Variants in CRADD observed in about 807,000 individuals in gnomAD.
CRADD encodes the protein death domain-containing protein CRADD.
Under a neutral mutation model 15.5 loss-of-function variants are expected in CRADD, and 9 were observed. The observed-to-expected ratio is 0.58, with a 90% CI of 0.35 to 1.01. The LOEUF (loss-of-function observed/expected upper bound fraction) is 1.01, where lower values mean the gene tolerates loss of function less well. CRADD is among the 50% of genes least tolerant of loss of function. The probability of loss-of-function intolerance (pLI) is 0.02; values close to 1 mark genes in which losing one functional copy is unlikely to be tolerated. For missense variants in CRADD, 227 were observed against 250.3 expected (o/e 0.91, Z 0.63); for synonymous variants, 118 against 107.6 (o/e 1.10, Z -0.60).
chr12:93,786,357 T>G (rs889604987), intron 2 of CRADD, among the ~76,000 whole-genome samples: 3 of 152,320 alleles, frequency 2.0e-5, no homozygotes, highest in Admixed American at 6.5e-5. Flanking sequence ...AGCTTCAAGT[T>G]TCTTTATCTG....
intron 2 of CRADD, among the ~76,000 whole-genome samples, chr12:93,825,241 T>A (rs1306171631): frequency 6.6e-6 from 1 of 152,192 alleles, no homozygotes; most frequent in African/African-American, 2.4e-5. Context: ...AAGAGATTTG[T>A]CAACATTCAT....
rs1348612005 is a variant in CRADD at position 93,850,626 on chromosome 12, C to T, written c.*355C>T. 3.3e-5 allele frequency: 31 copies of T among 933,392 alleles called. No homozygotes were observed. Among genetic ancestry groups the T allele is most frequent in the Non-Finnish European group, 3.8e-5 (30 of 781,730 alleles). The allele number at this position is 933,392 out of a possible 1,614,324, so 57.8% of individuals were successfully genotyped here. On this transcript the variant is annotated 3_prime_UTR_variant, in exon 3 of 3. Transcript: ENST00000332896. This position sits in a 1 kb window ranked among gnomAD's most constrained non-coding sequence, Gnocchi z 4.0. ...ATATATATCTCATGTCATCACATTACAGGCAGGTGTCTCATATGTAAAACA... is the reference window on the plus strand; with the variant it reads ...ATATATATCTCATGTCATCACATTATAGGCAGGTGTCTCATATGTAAAACA...
intron 2 of CRADD, among the ~76,000 whole-genome samples, chr12:93,706,335 A>G (rs1238664564): frequency 6.6e-6 from 1 of 152,244 alleles, no homozygotes; most frequent in African/African-American, 2.4e-5. Context: ...GTGAATTCAT[A>G]GTATGAAAAA....
chr12:93,827,302 A>G (rs6538454), intron 2 of CRADD, among the ~76,000 whole-genome samples: 80,676 of 152,016 alleles, frequency 0.53, 22,387 homozygotes, highest in East Asian at 0.69. Flanking sequence ...AGAATTTCAC[A>G]TAAATGGAGT....
At chr12:93,747,657 A>C (rs1451261687) in intron 2 of CRADD, among the ~76,000 whole-genome samples, 1 of 152,024 alleles carries the variant, frequency 6.6e-6, no homozygotes, top group Non-Finnish European at 1.5e-5. Context: ...TAGTAGAGAC[A>C]GGGTTTCACT....
intron 2 of CRADD, among the ~76,000 whole-genome samples, chr12:93,723,304 C>A (rs1956297543): frequency 6.6e-6 from 1 of 152,162 alleles, no homozygotes; most frequent in African/African-American, 2.4e-5. Context: ...CTAAACTTCC[C>A]AATTGCTCCT....
intron 2 of CRADD, among the ~76,000 whole-genome samples, chr12:93,784,476 G>A (rs949217206): frequency 1.3e-5 from 2 of 152,064 alleles, no homozygotes; most frequent in African/African-American, 4.8e-5. Context: ...TGACCCCTGA[G>A]CCTTTCCTCT....
rs1490682632 is a variant in CRADD, at chr12:93,858,807, G to GGTATA, written c.299-35243_299-35242insGTATA. ...TTAAGAAACTAAGACCCTCATCCCA[G>GGTATA]AGGGGTCCTACCCCATACCTGGGAG... On this transcript the variant is annotated intron_variant, in intron 2 of 2. Transcript: ENST00000548483. Among the ~76,000 whole-genome samples, 9 of 152,348 alleles carry GGTATA rather than the reference G, an allele frequency of 5.9e-5. No homozygotes were observed. The East Asian group carries it at 1.7e-3, about 29-fold the overall frequency.
At chr12:93,745,757 G>A (rs533994048) in intron 2 of CRADD, among the ~76,000 whole-genome samples, 2 of 152,302 alleles carry the variant, frequency 1.3e-5, no homozygotes, top group East Asian at 1.9e-4. Context: ...GGTATAGAAG[G>A]TTTTAATTAT....
At chr12:93,747,067 G>A (rs1392274460) in intron 2 of CRADD, among the ~76,000 whole-genome samples, 1 of 152,074 alleles carries the variant, frequency 6.6e-6, no homozygotes, top group African/African-American at 2.4e-5. Flanking sequence ...CCACTTTTGG[G>A]GTTTCAGATT....
downstream of CRADD, among the ~76,000 whole-genome samples, chr12:93,854,327 C>T (rs990502987): frequency 1.3e-5 from 2 of 152,210 alleles, no homozygotes; most frequent in Non-Finnish European, 2.9e-5. Context: ...CTAGGTCACA[C>T]GCCTTTTATC....
intron 2 of CRADD, chr12:93,846,590 A>ACACACACGCGCGCG (rs762173726): frequency 1.0e-4 from 15 of 145,758 alleles, no homozygotes; most frequent in African/African-American, 3.5e-4. Flanking sequence ...GAACACACAC[A>ACACACACGCGCGCG]CACACACACA....
chr12:93,759,101 G>A (rs1956921769), intron 2 of CRADD, among the ~76,000 whole-genome samples: 2 of 152,090 alleles, frequency 1.3e-5, no homozygotes, highest in Admixed American at 1.3e-4. Context: ...TTGAAGTTTT[G>A]AGGACCAGCA....
At chr12:93,852,534 C>T (rs148645593), downstream of CRADD, among the ~76,000 whole-genome samples, 1 of 152,338 alleles carries the variant, frequency 6.6e-6, no homozygotes, top group African/African-American at 2.4e-5. Flanking sequence ...CCCTCCCTGG[C>T]CTGCTCACGT....
intron 2 of CRADD, among the ~76,000 whole-genome samples, chr12:93,778,381 G>T (rs548216655): frequency 7.0e-4 from 106 of 152,310 alleles, no homozygotes; most frequent in Middle Eastern, 3.4e-3. Flanking sequence ...TGGCACATGC[G>T]CACGAGTTGA....
chr12:93,686,303 C>G (rs34799754), intron 2 of CRADD, among the ~76,000 whole-genome samples: 5 of 71,824 alleles, frequency 7.0e-5, no homozygotes, highest in African/African-American at 1.0e-4. Flanking sequence ...TCCATCCCCC[C>G]CAAAAAAAAA....
chr12:93,681,386 A>C (rs1027775399), intron 2 of CRADD, among the ~76,000 whole-genome samples: 1 of 152,186 alleles, frequency 6.6e-6, no homozygotes, highest in Non-Finnish European at 1.5e-5. Flanking sequence ...AGATTTGTTA[A>C]TTCTGTAGAA....
At chr12:93,870,808 G>T (rs2137066084) in intron 2 of CRADD, among the ~76,000 whole-genome samples, 1 of 152,354 alleles carries the variant, frequency 6.6e-6, no homozygotes, top group African/African-American at 2.4e-5. Context: ...TTCCCAGAGA[G>T]AAAGGCAGGC....
chr12:93,780,858 AGCC>A (rs1957200697), intron 2 of CRADD, among the ~76,000 whole-genome samples: 1 of 34,964 alleles, frequency 2.9e-5, no homozygotes, highest in African/African-American at 1.2e-4. Context: ...CTCATATCTC[AGCC>A]TCAGCCTCCT....
Sources: allele counts gnomAD v4.1 joint callset (sites outside exome capture counted in the v4.1 genomes callset), GRCh38; gene constraint gnomAD v4.1.1; non-coding constraint Gnocchi (gnomAD v3.1); transcripts MANE v1.5; gene names NCBI Gene and HGNC (gene_info 2026-07-23, HGNC 2026-07-21).